The following ADGRE2 variants were observed in gnomAD, a reference collection of about 807,000 sequenced individuals.
ADGRE2 encodes CD97 antigen.
In ADGRE2, 83 loss-of-function variants were observed where a neutral mutation model predicts 100.8. The ratio of observed to expected loss-of-function variants is 0.82; its 90% CI spans 0.69 to 0.99. The LOEUF is 0.99. ADGRE2 is among the 50% of genes least tolerant of loss of function. The probability of loss-of-function intolerance (pLI) is 0.00; values close to 1 mark genes in which losing one functional copy is unlikely to be tolerated. For synonymous variants in ADGRE2, 355 were observed against 413.0 expected (o/e 0.86, Z 1.70); for missense variants, 814 against 1,035.7 (o/e 0.79, Z 2.94).
At chr19:14,726,870 C>T in the ADGRE2 span, among the ~76,000 whole-genome samples, 5 of 152,130 alleles carry the variant, frequency 3.3e-5, no homozygotes, top group Non-Finnish European at 7.4e-5. Flanking sequence ...CTCTCATATT[C>T]CTTCTTCCTT....
Position 14,754,924 on chromosome 19 carries a change from G to C in ADGRE2, c.1590+30C>G, listed in dbSNP as rs115802691. 1.9e-4 allele frequency: 297 copies of C among 1,602,400 alleles called. 2 individuals are homozygous for C. In the African/African-American group the frequency reaches 3.5e-3, roughly 19 times the overall value. ...GGGGATTTGTTACACGGCAATAAAT[G>C]CAGAGTGCATCCCCTCCTAAGGGTC... is the stretch of plus-strand genomic sequence containing the variant. On this transcript the variant is annotated intron_variant, in intron 14 of 20. Transcript: ENST00000315576.
chr19:14,741,903 G>GAACT, intron 20 of ADGRE2: 1 of 397,604 alleles, frequency 2.5e-6, no homozygotes, highest in East Asian at 3.6e-5. Context: ...AAATACAACA[G>GAACT]AACTTTGTAT....
At chr19:14,758,834 G>T (rs2043593721) in intron 11 of ADGRE2, among the ~76,000 whole-genome samples, 1 of 139,422 alleles carries the variant, frequency 7.2e-6, no homozygotes, top group South Asian at 2.3e-4. Flanking sequence ...GCAGTGAGCC[G>T]AGATCGCGCC....
chr19:14,772,361 C>T lies in ADGRE2; in HGVS notation c.336G>A (p.Glu112=). Residue 112 remains glutamate (E), a synonymous_variant, in exon 5 of 21, where the codon GAG becomes GAA. Coordinates refer to ENST00000315576, the MANE Select transcript of ADGRE2 (RefSeq NM_013447.4). The part of the protein sequence containing the change: ...PVSGAKTFKN[E]SENTCQDVDE... ...TCTTACCTTGACACGTGTTCTCGCT[C>T]TCATTCTTGAATGTTTTTGCCCCAG... 33 of 1,614,128 alleles carry T rather than the reference C, an allele frequency of 2.0e-5. No homozygotes were observed. The highest frequency in any genetic ancestry group is 2.7e-5 in the Non-Finnish European group (32 of 1,180,028).
chr19:14,773,750 G>T (rs533607483), intron 4 of ADGRE2, among the ~76,000 whole-genome samples, 188 bp downstream of exon 4: 1 of 150,592 alleles, frequency 6.6e-6, no homozygotes, highest in African/African-American at 2.4e-5. Flanking sequence ...GGCCTCAAAT[G>T]ATCCACCCGC....
At chr19:14,739,725 G>A (rs545197522) in intron 20 of ADGRE2, among the ~76,000 whole-genome samples, 2 of 152,220 alleles carry the variant, frequency 1.3e-5, no homozygotes, top group African/African-American at 4.8e-5. Context: ...ATCTTGAGAT[G>A]GGAAAATTGC....
intron 2 of ADGRE2, 93 bp from the exon 3 acceptor site, chr19:14,774,399 C>T: frequency 3.4e-6 from 5 of 1,491,204 alleles, no homozygotes; most frequent in South Asian, 1.2e-5. Flanking sequence ...GGATGCTGAC[C>T]CCTCTCAGGC....
rs2042682883 is a variant in ADGRE2, at chr19:14,732,648, C to A, written c.*3588G>T. 6.6e-6 allele frequency: 1 copy of A among 152,050 alleles called. No individual in the cohort carries two copies. The highest frequency in any genetic ancestry group is 1.5e-5 in the Non-Finnish European group (1 of 68,008). The allele number at this position is 152,050 out of a possible 1,614,324, so 9.4% of individuals were successfully genotyped here. A position where few individuals can be genotyped will look rare whatever the true frequency, so the allele number is the denominator to read the frequency against. On this transcript the variant is annotated 3_prime_UTR_variant, in exon 21 of 21. Coordinates refer to ENST00000315576, the MANE Select transcript of ADGRE2 (RefSeq NM_013447.4). Reference sequence around the variant, plus strand: ...TTTACATTTTTCAAATGGGTGAAAACAAATAAAAAGAAGAATGATATTTTG... The same window carrying A: ...TTTACATTTTTCAAATGGGTGAAAAAAAATAAAAAGAAGAATGATATTTTG...
Position 14,777,280 on chromosome 19 carries a change from A to G in ADGRE2, c.-171-353T>C, listed in dbSNP as rs1385792531. Among the ~76,000 whole-genome samples the G allele has an allele frequency of 2.6e-5, 4 of 152,326 alleles. No homozygotes were observed. In the East Asian group the frequency reaches 7.7e-4, roughly 29 times the overall value. On this transcript the variant is annotated intron_variant, in intron 1 of 20. Transcript: ENST00000315576. ...CCTGTGCCCAGAGCTTTGGCATGCC[A>G]GAGTTGGCAGAGCCTGCGTCCCAGC...
rs2147450067 is a variant in ADGRE2, at chr19:14,767,021, C to G, written c.444G>C (p.Leu148=). The G allele has an allele frequency of 8.8e-7, 1 of 1,130,554 alleles. No homozygotes were observed. Among genetic ancestry groups the G allele is most frequent in the Middle Eastern group, 2.9e-4 (1 of 3,490 alleles). The allele number at this position is 1,130,554 out of a possible 1,614,324, so 70.0% of individuals were successfully genotyped here. ...NTLGSYTCQC[L]PGFKLKPEDP... is the part of the protein sequence containing the mutation. ...CCTCAGGTTTGAGCTTGAAGCCAGG[C>G]AGGCACTGGCACGTGTAGCTGCCGA... Residue 148 remains leucine, a synonymous_variant, in exon 6 of 21, where the codon CTG becomes CTC. Coordinates refer to ENST00000315576, the MANE Select transcript of ADGRE2 (RefSeq NM_013447.4).
chr19:14,766,324 T>C lies in ADGRE2; in HGVS notation c.545A>G (p.Asn182Ser), dbSNP rs1373250094. The C allele has an allele frequency of 1.2e-6, 2 of 1,614,100 alleles. No individual in the cohort carries two copies. The highest frequency in any genetic ancestry group is 2.2e-5 in the South Asian group (2 of 91,080). ...GCGGCACTGATAGCTGCCCACGTTG[T>C]TGAGGCAGTGGGTGGAGCTGTGGCA... Reference protein sequence around the residue: ...NPCHSSTHCLNNVGSYQCRCR... With the variant: ...NPCHSSTHCLSNVGSYQCRCR... The change falls in exon 7 of 21, where the codon AAC becomes AGC. Residue 182 changes from asparagine (N) to serine (S), a missense_variant. Asn to Ser is a conservative substitution (Grantham distance 46). Coordinates refer to ENST00000315576, the MANE Select transcript of ADGRE2 (RefSeq NM_013447.4).
chr19:14,775,533 G>A (rs1279716105), intron 2 of ADGRE2, among the ~76,000 whole-genome samples: 1 of 151,940 alleles, frequency 6.6e-6, no homozygotes, highest in Non-Finnish European at 1.5e-5. Context: ...GTGTGCCTGA[G>A]CATTTACTGC....
intron 14 of ADGRE2, among the ~76,000 whole-genome samples, chr19:14,753,363 G>C (rs2043366661): frequency 6.6e-6 from 1 of 152,086 alleles, no homozygotes. Context: ...GGCGGGAGGG[G>C]CTGGGCGGTA....
rs1054685455 is a variant in ADGRE2 at position 14,755,003 on chromosome 19, C to A, written c.1541G>T (p.Cys514Phe). The part of the protein sequence containing the change: ...GTRDTSTICR[C>F]THLSSFAVLM... ...GACGGCAAAGCTGCTCAGGTGGGTG[C>A]AACGGCAGATGGTGCTGGTGTCTCT... The change falls in exon 14 of 21, where the codon TGC (cysteine) becomes TTC (phenylalanine). Residue 514 changes from cysteine (C) to phenylalanine (F), a missense_variant. Around this residue, in one of 5 missense-constraint regions of ADGRE2, gnomAD observed 569 missense variants for 692.7 expected, o/e 0.82. Transcript: ENST00000315576. 4 of 1,614,036 alleles carry A rather than the reference C, an allele frequency of 2.5e-6. No homozygotes were observed. In the African/African-American group the frequency reaches 5.3e-5, roughly 22 times the overall value.
At chr19:14,772,303 C>G in intron 5 of ADGRE2, 39 bp downstream of exon 5, 1 of 1,613,298 alleles carries the variant, frequency 6.2e-7, no homozygotes. Flanking sequence ...CCCCAAACCT[C>G]ATGGACAGTG....
intron 4 of ADGRE2, 78 bp downstream of exon 4, chr19:14,773,860 C>G: frequency 7.5e-7 from 1 of 1,341,552 alleles, no homozygotes; most frequent in South Asian, 1.2e-5. Flanking sequence ...CCCCTCACAA[C>G]AACCTCTGTC....
chr19:14,747,100 G>T (rs2043118133), intron 16 of ADGRE2, 138 bp from the exon 17 acceptor site: 2 of 770,164 alleles, frequency 2.6e-6, no homozygotes, highest in Admixed American at 2.3e-5. Context: ...TAGTGATAGG[G>T]TCTGTGGTTG....
rs1239774395 is a variant in ADGRE2, at chr19:14,756,358, G to A, written c.1085-13C>T. On this transcript the variant is annotated splice_polypyrimidine_tract_variant and intron_variant, in intron 11 of 20. Coordinates refer to ENST00000315576, the MANE Select transcript of ADGRE2 (RefSeq NM_013447.4). ...TCCAGGGACAATTCTATGAGTTGTG[G>A]GAATTACATAAGGGGGGTTAGGTTA... 1.3e-6 allele frequency: 2 copies of A among 1,591,736 alleles called. No individual in the cohort carries two copies. Among genetic ancestry groups the A allele is most frequent in the Non-Finnish European group, 1.7e-6 (2 of 1,159,752 alleles).
Position 14,772,510 on chromosome 19 carries a change from A to G in ADGRE2, c.200-13T>C. 6.2e-7 allele frequency: 1 copy of G among 1,613,252 alleles called. No individual in the cohort carries two copies. Among genetic ancestry groups the G allele is most frequent in the South Asian group, 1.1e-5 (1 of 91,006 alleles). On this transcript the variant is annotated splice_polypyrimidine_tract_variant and intron_variant, in intron 4 of 20. Coordinates refer to ENST00000315576, the MANE Select transcript of ADGRE2 (RefSeq NM_013447.4). ...CACTCGTTGATGTCTGGAACACAACAGGACAGGAGGTCATCTCCCAAAGAT... is the reference window on the plus strand; with the variant it reads ...CACTCGTTGATGTCTGGAACACAACGGGACAGGAGGTCATCTCCCAAAGAT...
Sources: gnomAD v4.1 joint callset for allele counts (sites outside exome capture counted in the v4.1 genomes callset) on GRCh38, gnomAD v4.1.1 for gene constraint, gnomAD v4.1.1 regional missense constraint, MANE v1.5 for transcripts, NCBI Gene and HGNC (gene_info 2026-07-23, HGNC 2026-07-21) for gene names.